Variants in EFHC1 observed in about 807,000 individuals in gnomAD.
The protein encoded by EFHC1 is EF-hand domain containing 1, also known as EF-hand domain-containing protein 1.
In EFHC1, 53 loss-of-function variants were observed where a neutral mutation model predicts 69.9. That is an observed-to-expected ratio of 0.76 (90% confidence interval 0.61 to 0.95). The LOEUF is 0.95. EFHC1 is among the 40% of genes least tolerant of loss of function. The pLI, the probability that EFHC1 is intolerant of heterozygous loss-of-function variation, is 0.00. For synonymous variants in EFHC1, 256 were observed against 278.4 expected (o/e 0.92, Z 0.80); for missense variants, 739 against 798.7 (o/e 0.93, Z 0.90).
chr6:52,453,140 T>C (rs2113994629), intron 4 of EFHC1: 1 of 1,378,842 alleles, frequency 7.3e-7, no homozygotes, highest in South Asian at 1.2e-5. Context: ...CGTTTCCAAT[T>C]GACAATTTCT....
chr6:52,427,151 T>G lies in EFHC1; in HGVS notation c.285+2984T>G, dbSNP rs1764318062. ...TTTCATCCTCACTATTACCATAAAT[T>G]TATTTTCCACAGAGCAGCCAGGCTT... On this transcript the variant is annotated intron_variant, in intron 2 of 10. Transcript: ENST00000371068. Among the ~76,000 whole-genome samples the G allele has an allele frequency of 2.0e-5, 3 of 152,190 alleles. No individual in the cohort carries two copies. In the South Asian group the frequency reaches 6.2e-4, roughly 32 times the overall value.
At chr6:52,460,349 G>A (rs1765137491) in intron 5 of EFHC1, among the ~76,000 whole-genome samples, 1 of 152,164 alleles carries the variant, frequency 6.6e-6, no homozygotes, top group South Asian at 2.1e-4. Flanking sequence ...AAATAGATCA[G>A]TGATTGCGTG....
intron 3 of EFHC1, among the ~76,000 whole-genome samples, chr6:52,450,982 CAG>C (rs1764904609): frequency 6.6e-6 from 1 of 151,698 alleles, no homozygotes; most frequent in Admixed American, 6.6e-5. Context: ...TATTTTTTAG[CAG>C]AGACTGGGTT....
Position 52,464,777 on chromosome 6 carries a change from G to T in EFHC1, c.917-118G>T, listed in dbSNP as rs3804502. 0.12 allele frequency: 102,633 copies of T among 825,922 alleles called. 8,764 individuals carry two copies. The highest frequency in any genetic ancestry group is 0.4 in the East Asian group (15,327 of 38,044). 51.2% of individuals were successfully genotyped at this position (825,922 alleles called of 1,614,324 possible). A position where few individuals can be genotyped will look rare whatever the true frequency, so the allele number is the denominator to read the frequency against. On this transcript the variant is annotated intron_variant, in intron 5 of 10. Transcript: ENST00000371068. ...GAATGTTGGGGAGACCCTGACTCTT[G>T]ACCAGAGCAAAAGACTGCACTCCCT...
chr6:52,428,606 T>C (rs920518564), intron 2 of EFHC1, among the ~76,000 whole-genome samples: 1 of 152,236 alleles, frequency 6.6e-6, no homozygotes. Context: ...TTTGGGTTGG[T>C]TCCATATTTT....
chr6:52,449,935 G>A (rs891522216), intron 3 of EFHC1, among the ~76,000 whole-genome samples: 3 of 152,020 alleles, frequency 2.0e-5, no homozygotes, highest in Non-Finnish European at 4.4e-5. Flanking sequence ...TTTTGACATC[G>A]GCATTTAGTG....
intron 7 of EFHC1, among the ~76,000 whole-genome samples, chr6:52,470,665 A>G (rs1395023069): frequency 6.6e-6 from 1 of 152,250 alleles, no homozygotes; most frequent in Non-Finnish European, 1.5e-5. Context: ...TCAACCCAGT[A>G]TTCTTTTGAT....
chr6:52,488,112 G>A (rs1282658682), intron 9 of EFHC1: 1 of 152,158 alleles, frequency 6.6e-6, no homozygotes, highest in African/African-American at 2.4e-5. Flanking sequence ...GAGAGTTATT[G>A]TCTCTTTCCC....
chr6:52,474,280 C>T (rs1012606081), intron 7 of EFHC1, among the ~76,000 whole-genome samples: 2 of 152,204 alleles, frequency 1.3e-5, no homozygotes, highest in African/African-American at 4.8e-5. Flanking sequence ...CCTGCCACTG[C>T]ACTCCAACCT....
chr6:52,425,822 C>T (rs768415819), intron 2 of EFHC1, among the ~76,000 whole-genome samples: 2 of 152,146 alleles, frequency 1.3e-5, no homozygotes, highest in Non-Finnish European at 2.9e-5. Context: ...CAGAGGTCCA[C>T]ATAATAGCCA....
chr6:52,481,460 G>T (rs557487104), intron 9 of EFHC1: 1 of 152,206 alleles, frequency 6.6e-6, no homozygotes, highest in Admixed American at 6.5e-5. Context: ...GTAAATGTGG[G>T]TGTTGTTGGC....
intron 3 of EFHC1, among the ~76,000 whole-genome samples, chr6:52,448,172 G>A (rs1764831239): frequency 6.6e-6 from 1 of 152,264 alleles, no homozygotes; most frequent in East Asian, 1.9e-4. Context: ...CCTCAGAGGT[G>A]GAGTCTACAG....
intron 5 of EFHC1, among the ~76,000 whole-genome samples, chr6:52,455,625 G>A (rs537572753): frequency 9.9e-5 from 15 of 151,938 alleles, no homozygotes; most frequent in African/African-American, 3.4e-4. Flanking sequence ...CTGCACTCCA[G>A]CCTGGGTGAC....
At chr6:52,465,259 A>G (rs1384066053) in intron 6 of EFHC1, 144 bp downstream of exon 6, 10 of 715,458 alleles carry the variant, frequency 1.4e-5, no homozygotes, top group South Asian at 5.5e-5. Context: ...AGAAATACAA[A>G]TGACAAAAAA....
chr6:52,464,835 C>A, intron 5 of EFHC1, 60 bp from the exon 6 acceptor site: 2 of 1,463,604 alleles, frequency 1.4e-6, no homozygotes, highest in South Asian at 1.1e-5. Context: ...AGTTGTGTGT[C>A]AAGTCTTTCT....
At chr6:52,490,069 A>C in intron 9 of EFHC1, 71 bp from the exon 10 acceptor site, 1 of 1,402,884 alleles carries the variant, frequency 7.1e-7, no homozygotes, top group East Asian at 2.4e-5. Flanking sequence ...TCAAGTAAGA[A>C]CTTTGGTCAC....
intron 1 of EFHC1, chr6:52,420,929 C>T (rs927856182): frequency 4.4e-6 from 4 of 915,632 alleles, no homozygotes; most frequent in Non-Finnish European, 5.5e-6. Flanking sequence ...CACTATGCAC[C>T]TTCAACCTCA....
rs748896877 is a variant in EFHC1, at chr6:52,493,658, A to G, written c.*1317A>G. On this transcript the variant is annotated 3_prime_UTR_variant, in exon 11 of 11. Coordinates refer to ENST00000371068, the MANE Select transcript of EFHC1 (RefSeq NM_018100.4). ...GTGACAGAGCAAGACTCCATCTCAA[A>G]AAAAAAAAGGTTAGAAAAATGCTGC... 1 of 452,996 alleles carries G rather than the reference A, an allele frequency of 2.2e-6. No individual in the cohort carries two copies. 28.1% of individuals were successfully genotyped at this position (452,996 alleles called of 1,614,324 possible).
At position 52,469,485 on chromosome 6, in the gene EFHC1, T is replaced by A; in HGVS notation, c.1278+12T>A. The A allele has an allele frequency of 1.2e-6, 2 of 1,613,352 alleles. No individual in the cohort carries two copies. The highest frequency in any genetic ancestry group is 1.7e-6 in the Non-Finnish European group (2 of 1,179,738). ...ATTTGGCTGTACTGGTGAGGCTAAT[T>A]TTTATATACTAAAGATTCTCTTCTA... On this transcript the variant is annotated intron_variant, in intron 7 of 10. Transcript: ENST00000371068.
Sources: gnomAD v4.1 joint callset for allele counts (sites outside exome capture counted in the v4.1 genomes callset) on GRCh38, gnomAD v4.1.1 for gene constraint, MANE v1.5 for transcripts, NCBI Gene and HGNC (gene_info 2026-07-23, HGNC 2026-07-21) for gene names.